Variants in BTBD1 observed in about 807,000 individuals in gnomAD.
BTBD1 encodes the protein BTB domain containing 1.
BTBD1 carries 34 observed loss-of-function variants against 48.0 expected under a neutral mutation model. The ratio of observed to expected loss-of-function variants is 0.71; its 90% CI spans 0.54 to 0.94. The LOEUF (loss-of-function observed/expected upper bound fraction) is 0.94. Ranked by LOEUF, BTBD1 falls within the 40% of genes least tolerant of loss-of-function variation. The pLI is 0.00. For missense variants in BTBD1, 543 were observed against 625.6 expected, an observed-to-expected ratio of 0.87 and a Z score of 1.41; for synonymous variants, 261 against 242.1, an observed-to-expected ratio of 1.08 and a Z score of -0.72.
At chr15:83,060,409 T>G (rs2033157172) in intron 1 of BTBD1, among the ~76,000 whole-genome samples, 1 of 150,902 alleles carries the variant, frequency 6.6e-6, no homozygotes, top group African/African-American at 2.4e-5. Flanking sequence ...CACAGAAAAA[T>G]TATTACATGT....
chr15:83,039,291 A>C (rs970079355), intron 4 of BTBD1, among the ~76,000 whole-genome samples: 23 of 152,174 alleles, frequency 1.5e-4, no homozygotes, highest in African/African-American at 5.5e-4. Context: ...CAACATCACT[A>C]ATCATCAGAG....
rs532589387 is a variant in BTBD1, at chr15:83,037,811, G to A, written c.862+3917C>T. On this transcript the variant is annotated intron_variant, in intron 4 of 7. Transcript: ENST00000261721. ...CTAAAGATTCCACCAGGCCAGGTGC[G>A]GTGGCTCACGCCTGTAATCCCAGCG... is the stretch of plus-strand genomic sequence containing the variant. 7.9e-5 allele frequency among the ~76,000 whole-genome samples: 12 copies of A among 152,238 alleles called. No individual in the cohort carries two copies. In the South Asian group the frequency reaches 1.9e-3, roughly 24 times the overall value.
At chr15:83,047,774 G>A (rs995744631) in intron 3 of BTBD1, among the ~76,000 whole-genome samples, 2 of 152,152 alleles carry the variant, frequency 1.3e-5, no homozygotes, top group Admixed American at 1.3e-4. Flanking sequence ...AAACTTCTGT[G>A]TTTGAGCCAG....
Position 83,067,175 on chromosome 15 carries a change from G to T in BTBD1, c.-24C>A. ...ATCCTCCAGCTGCGCGGTTGCCCAC[G>T]TTATGGACAAAACTCCGCCGCCATC... is the stretch of plus-strand genomic sequence containing the variant. On this transcript the variant is annotated 5_prime_UTR_variant, in exon 1 of 8. Coordinates refer to ENST00000261721, the MANE Select transcript of BTBD1 (RefSeq NM_025238.4). 1 of 1,392,662 alleles carries T rather than the reference G, an allele frequency of 7.2e-7. No individual in the cohort carries two copies. The highest frequency in any genetic ancestry group is 1.7e-5 in the South Asian group (1 of 59,618). 86.3% of individuals were successfully genotyped at this position (1,392,662 alleles called of 1,614,324 possible). A position where few individuals can be genotyped will look rare whatever the true frequency, so the allele number is the denominator to read the frequency against.
At chr15:83,049,844 G>C (rs997874207) in intron 3 of BTBD1, among the ~76,000 whole-genome samples, 9 of 152,210 alleles carry the variant, frequency 5.9e-5, no homozygotes, top group African/African-American at 2.2e-4. Context: ...CCATGCATAT[G>C]ATGGGCATTC....
chr15:83,045,429 C>G (rs947703455), intron 3 of BTBD1, among the ~76,000 whole-genome samples: 1 of 151,970 alleles, frequency 6.6e-6, no homozygotes, highest in African/African-American at 2.4e-5. Flanking sequence ...ACCCGGGAGG[C>G]GGAGGCTGCA....
intron 5 of BTBD1, among the ~76,000 whole-genome samples, chr15:83,025,675 CAT>C (rs1406323830): frequency 7.9e-5 from 12 of 152,090 alleles, no homozygotes; most frequent in African/African-American, 1.9e-4. Context: ...GTAATAGTAA[CAT>C]AATACTCAAA....
chr15:83,062,381 G>A (rs2033190140), intron 1 of BTBD1, among the ~76,000 whole-genome samples: 1 of 152,198 alleles, frequency 6.6e-6, no homozygotes, highest in South Asian at 2.1e-4. Context: ...AGAATGGAGT[G>A]AAACGAAACT....
At chr15:83,039,795 C>A (rs1209845144) in intron 4 of BTBD1, among the ~76,000 whole-genome samples, 7 of 144,734 alleles carry the variant, frequency 4.8e-5, no homozygotes, top group Non-Finnish European at 7.6e-5. Context: ...AAAAAAAAAA[C>A]CACAAACAAC....
chr15:83,060,475 AC>A (rs1345889372), intron 1 of BTBD1, among the ~76,000 whole-genome samples: 13 of 149,490 alleles, frequency 8.7e-5, no homozygotes, highest in East Asian at 8.0e-4. Flanking sequence ...AAAAAAAAAA[AC>A]AACTTAGGTT....
At chr15:83,029,419 G>A (rs2032473428) in intron 5 of BTBD1, 1 of 152,118 alleles carries the variant, frequency 6.6e-6, no homozygotes, top group African/African-American at 2.4e-5. Flanking sequence ...TTTTATAAAT[G>A]TATACTGAGA....
intron 4 of BTBD1, among the ~76,000 whole-genome samples, chr15:83,033,925 A>G (rs1020038178): frequency 6.6e-6 from 1 of 151,920 alleles, no homozygotes; most frequent in Non-Finnish European, 1.5e-5. Context: ...ATAAGGATAT[A>G]TTCTTGTAAT....
Position 83,023,139 on chromosome 15 carries a change from T to G in BTBD1, c.1056-2377A>C, listed in dbSNP as rs780914051. On this transcript the variant is annotated intron_variant, in intron 5 of 7. Transcript: ENST00000261721. ...AACATATATGTAATTTAAAAAATCA[T>G]ATCAGAATATATATATATTTGTAAC... 7.2e-5 allele frequency among the ~76,000 whole-genome samples: 11 copies of G among 152,188 alleles called. No individual in the cohort carries two copies. The South Asian group carries it at 8.3e-4, about 11-fold the overall frequency.
rs2032226092 is a variant in BTBD1, at chr15:83,018,869, G to C, written c.1144-16C>G. The C allele has an allele frequency of 6.2e-7, 1 of 1,606,062 alleles. No individual in the cohort carries two copies. On this transcript the variant is annotated splice_polypyrimidine_tract_variant and intron_variant, in intron 6 of 7. Transcript: ENST00000261721. ...ATTCAATGATCTGTAATTTTTAAGA[G>C]ACAAGTTACATTTAAGTTAAACCAA...
chr15:83,018,827 G>T lies in BTBD1; in HGVS notation c.1170C>A (p.Thr390=), dbSNP rs2032224724. ...IQIIEYEKKQ[T]LGQNDTGFSC... The stretch of plus-strand genomic sequence containing the variant: ...TAAAGCCGGTATCATTCTGTCCCAG[G>T]GTTTGCTTTTTCTCATATTCAATGA... The change falls in exon 7 of 8, where the codon ACC becomes ACA. Residue 390 remains threonine (T), a synonymous_variant. Transcript: ENST00000261721. 1 of 1,613,606 alleles carries T rather than the reference G, an allele frequency of 6.2e-7. No individual in the cohort carries two copies. Among genetic ancestry groups the T allele is most frequent in the Non-Finnish European group, 8.5e-7 (1 of 1,179,806 alleles).
chr15:83,022,013 T>TTAC (rs1191264968), intron 5 of BTBD1, among the ~76,000 whole-genome samples: 1 of 152,092 alleles, frequency 6.6e-6, no homozygotes, highest in East Asian at 1.9e-4. Flanking sequence ...TTTGAACATC[T>TTAC]GGTACAGTAA....
chr15:83,034,217 G>A (rs2032582698), intron 4 of BTBD1, among the ~76,000 whole-genome samples: 1 of 151,882 alleles, frequency 6.6e-6, no homozygotes, highest in African/African-American at 2.4e-5. Flanking sequence ...TAAAAATGAA[G>A]CTTACAAGAG....
chr15:83,036,882 CAG>C (rs2032640155), intron 4 of BTBD1, among the ~76,000 whole-genome samples: 2 of 152,116 alleles, frequency 1.3e-5, no homozygotes, highest in South Asian at 2.1e-4. Flanking sequence ...TTATAGAAGA[CAG>C]AAAGTAGTCA....
rs77033718 is a variant in BTBD1, at chr15:83,053,244, C to T, written c.559-3066G>A. 5.8e-3 allele frequency among the ~76,000 whole-genome samples: 887 copies of T among 152,270 alleles called. 15 individuals are homozygous for T. Among genetic ancestry groups the T allele is most frequent in the African/African-American group, 0.02 (847 of 41,566 alleles). On this transcript the variant is annotated intron_variant, in intron 2 of 7. Transcript: ENST00000261721. Reference sequence around the variant, plus strand: ...ACTGGCACTTTGCTTTAGAGAGAAGCTGGCAAAGGCCCTCTTAAGTAAATG... The same window carrying T: ...ACTGGCACTTTGCTTTAGAGAGAAGTTGGCAAAGGCCCTCTTAAGTAAATG...
Sources: allele counts gnomAD v4.1 joint callset (sites outside exome capture counted in the v4.1 genomes callset), GRCh38; gene constraint gnomAD v4.1.1; transcripts MANE v1.5; gene names NCBI Gene and HGNC (gene_info 2026-07-23, HGNC 2026-07-21).